KAZN: variants seen among roughly 807,000 people sequenced by gnomAD.
KAZN encodes the protein kazrin.
A neutral mutation model predicts 87.4 loss-of-function variants in KAZN; 40 were observed. The ratio of observed to expected loss-of-function variants is 0.46; its 90% confidence interval spans 0.36 to 0.60. The LOEUF is 0.60. Ranked by LOEUF, KAZN falls within the 20% of genes least tolerant of loss-of-function variation. KAZN has a pLI of 0.00. For missense variants in KAZN, 898 were observed against 1,073.9 expected (o/e 0.84, Z 2.29); for synonymous variants, 466 against 458.3 (o/e 1.02, Z -0.22).
At chr1:13,997,570 G>C (rs1213562304) in intron 1 of KAZN, among the ~76,000 whole-genome samples, 1 of 151,640 alleles carries the variant, frequency 6.6e-6, no homozygotes, top group Admixed American at 6.6e-5. Flanking sequence ...CTTTGTGAAG[G>C]ATACACAAGT....
At chr1:14,115,659 G>A (rs1054368315) in intron 1 of KAZN, among the ~76,000 whole-genome samples, 1 of 152,188 alleles carries the variant, frequency 6.6e-6, no homozygotes, top group South Asian at 2.1e-4. Flanking sequence ...CAATGGAGTG[G>A]GATGCCACTG....
intron 1 of KAZN, among the ~76,000 whole-genome samples, chr1:14,167,571 A>G (rs1315218802): frequency 6.6e-6 from 1 of 152,074 alleles, no homozygotes; most frequent in Non-Finnish European, 1.5e-5. Flanking sequence ...AAAAATCTAA[A>G]CATTAGCCAG....
intron 1 of KAZN, among the ~76,000 whole-genome samples, chr1:14,807,185 A>G (rs1192848918): frequency 6.6e-6 from 1 of 152,180 alleles, no homozygotes; most frequent in Non-Finnish European, 1.5e-5. Flanking sequence ...GTTTCAGGAC[A>G]ACCAGCAGGA....
intron 1 of KAZN, among the ~76,000 whole-genome samples, chr1:14,875,630 G>C (rs903501664): frequency 6.6e-6 from 1 of 152,154 alleles, no homozygotes; most frequent in Non-Finnish European, 1.5e-5. Flanking sequence ...TCTGCTCCAG[G>C]CTCCTGAGAG....
intron 2 of KAZN, among the ~76,000 whole-genome samples, chr1:14,582,528 T>C (rs767070033): frequency 7.9e-5 from 12 of 152,124 alleles, no homozygotes; most frequent in Non-Finnish European, 1.6e-4. Flanking sequence ...CAAAGGTGGT[T>C]CTCAGACAAC....
chr1:14,088,762 GTTC>G (rs1643907900), intron 1 of KAZN, among the ~76,000 whole-genome samples: 2 of 151,760 alleles, frequency 1.3e-5, no homozygotes, highest in Admixed American at 6.6e-5. Flanking sequence ...GATATGTCTA[GTTC>G]TTCTTTTAGT....
intron 2 of KAZN, among the ~76,000 whole-genome samples, chr1:14,584,299 T>C (rs1240167204): frequency 6.6e-6 from 1 of 152,188 alleles, no homozygotes; most frequent in African/African-American, 2.4e-5. Context: ...GTCTTTTTCC[T>C]TTGAGGCAGC....
chr1:15,082,351 G>A (rs1238682976), intron 8 of KAZN, among the ~76,000 whole-genome samples: 2 of 152,284 alleles, frequency 1.3e-5, no homozygotes, highest in East Asian at 3.9e-4. Context: ...CTGCATCCAG[G>A]CACACATTTG....
At position 14,142,181 on chromosome 1, in the gene KAZN, T is replaced by C. The variant is rs12083756; in HGVS notation, c.92-38254T>C. Among the ~76,000 whole-genome samples, 1,238 of 147,510 alleles carry C rather than the reference T, an allele frequency of 8.4e-3. 21 individuals are homozygous for C. Among genetic ancestry groups the C allele is most frequent in the African/African-American group, 0.029 (1,145 of 39,864 alleles). The stretch of plus-strand genomic sequence containing the variant: ...TTACAGGCTGAACCTAAGACCCCAA[T>C]GTGTCCTTGTCATAAAGCATAATTC... On this transcript the variant is annotated intron_variant, in intron 1 of 16. Transcript: ENST00000636203.
intron 2 of KAZN, among the ~76,000 whole-genome samples, chr1:14,562,217 G>T (rs554951422): frequency 6.6e-6 from 1 of 152,334 alleles, no homozygotes; most frequent in East Asian, 1.9e-4. Flanking sequence ...TTGGAAAAGG[G>T]TGAATTAGTT....
At chr1:14,074,868 A>G (rs1019120569) in intron 1 of KAZN, among the ~76,000 whole-genome samples, 5 of 152,168 alleles carry the variant, frequency 3.3e-5, no homozygotes, top group African/African-American at 9.7e-5. Context: ...TTTATCATCA[A>G]TTAAATAAAG....
chr1:15,034,102 A>C (rs1490113914), intron 2 of KAZN, among the ~76,000 whole-genome samples: 1 of 152,206 alleles, frequency 6.6e-6, no homozygotes, highest in Non-Finnish European at 1.5e-5. Flanking sequence ...TGTATATTCC[A>C]GATAGAAGCC....
At chr1:14,110,678 T>C (rs1158469733) in intron 1 of KAZN, among the ~76,000 whole-genome samples, 1 of 135,854 alleles carries the variant, frequency 7.4e-6, no homozygotes, top group East Asian at 2.9e-4. Flanking sequence ...TTCTCTAAGG[T>C]GGTAGCCACA....
At chr1:14,231,372 C>CTA (rs1354550578) in intron 2 of KAZN, among the ~76,000 whole-genome samples, 5 of 139,268 alleles carry the variant, frequency 3.6e-5, no homozygotes, top group Non-Finnish European at 6.1e-5. Context: ...TAAAGTGTAG[C>CTA]CAGAAGGGGG....
intron 2 of KAZN, among the ~76,000 whole-genome samples, chr1:14,374,822 A>G (rs536669955): frequency 2.0e-5 from 3 of 152,338 alleles, no homozygotes; most frequent in Admixed American, 2.0e-4. Flanking sequence ...GCATGCATCA[A>G]AACAGGCAGA....
At chr1:14,469,592 C>T (rs1210965905) in intron 2 of KAZN, among the ~76,000 whole-genome samples, 1 of 152,160 alleles carries the variant, frequency 6.6e-6, no homozygotes, top group Non-Finnish European at 1.5e-5. Flanking sequence ...ATTATTTTGC[C>T]ATCCTAGGCA....
At chr1:14,492,210 G>T (rs1200841997) in intron 2 of KAZN, among the ~76,000 whole-genome samples, 1 of 152,100 alleles carries the variant, frequency 6.6e-6, no homozygotes, top group African/African-American at 2.4e-5. Flanking sequence ...TGCCCAAGAA[G>T]AGTGAATCTG....
intron 1 of KAZN, among the ~76,000 whole-genome samples, chr1:14,179,814 T>C (rs568739327): frequency 1.3e-5 from 2 of 152,316 alleles, no homozygotes; most frequent in East Asian, 3.9e-4. Flanking sequence ...AAGTCCATTG[T>C]AGAGAAAATA....
chr1:14,057,402 G>A (rs567144875), intron 1 of KAZN, among the ~76,000 whole-genome samples: 4 of 152,174 alleles, frequency 2.6e-5, no homozygotes, highest in Admixed American at 1.3e-4. Context: ...CAAAGTGCTG[G>A]GATTATAGGC....
Sources: allele counts gnomAD v4.1 joint callset (sites outside exome capture counted in the v4.1 genomes callset), GRCh38; gene constraint gnomAD v4.1.1; transcripts MANE v1.5; gene names NCBI Gene and HGNC (gene_info 2026-07-23, HGNC 2026-07-21).